GREM2: variants seen among roughly 807,000 people sequenced by gnomAD.
GREM2 encodes the protein gremlin-2.
GREM2 carries 11 observed loss-of-function variants against 14.2 expected under a neutral mutation model. The observed-to-expected ratio is 0.78, with a 90% CI of 0.49 to 1.28. The LOEUF is 1.28. Ranked by LOEUF, GREM2 falls within the 50% of genes most tolerant of loss-of-function variation. The probability of loss-of-function intolerance (pLI) is 0.00; values close to 1 mark genes in which losing one functional copy is unlikely to be tolerated. For missense variants in GREM2, 210 were observed against 218.5 expected, an observed-to-expected ratio of 0.96 and a Z score of 0.24; for synonymous variants, 98 against 97.6, an observed-to-expected ratio of 1.00 and a Z score of -0.02.
intron 1 of GREM2, chr1:240,549,908 C>T (rs567537540): frequency 6.6e-6 from 1 of 152,512 alleles, no homozygotes; most frequent in South Asian, 2.1e-4. Flanking sequence ...CCGGTTCCGG[C>T]ACCTGCTTCT....
At chr1:240,588,706 G>A (rs946725434) in intron 1 of GREM2, 2 of 152,176 alleles carry the variant, frequency 1.3e-5, no homozygotes, top group African/African-American at 4.8e-5. Flanking sequence ...ACACTAATAT[G>A]TCAAAAGTGA....
chr1:240,526,553 C>T (rs1325400602), intron 1 of GREM2, among the ~76,000 whole-genome samples: 4 of 152,092 alleles, frequency 2.6e-5, no homozygotes, highest in Non-Finnish European at 5.9e-5. Context: ...TCAGGTTACT[C>T]CTGCCTTCTT....
rs1006803633 is a variant in GREM2, at chr1:240,542,155, C to A, written c.-1-48679G>T. Among the ~76,000 whole-genome samples the A allele has an allele frequency of 6.6e-6, 1 of 152,024 alleles. No individual in the cohort carries two copies. Among genetic ancestry groups the A allele is most frequent in the Admixed American group, 6.6e-5 (1 of 15,258 alleles). ...ACATCCTGCAATGCACAAGACAGTC[C>A]TCCACGACAAAACACCATCCTGTCC... On this transcript the variant is annotated intron_variant, in intron 1 of 1. Coordinates refer to ENST00000318160, the MANE Select transcript of GREM2 (RefSeq NM_022469.4). The surrounding 1 kb of genome is among the most constrained non-coding windows in gnomAD (Gnocchi z 4.1).
intron 1 of GREM2, among the ~76,000 whole-genome samples, chr1:240,602,686 G>A (rs1158244870): frequency 6.6e-6 from 1 of 151,628 alleles, no homozygotes; most frequent in East Asian, 1.9e-4. Flanking sequence ...CATGGTGACA[G>A]AGCCTGTAAT....
intron 1 of GREM2, among the ~76,000 whole-genome samples, chr1:240,604,060 G>A (rs1679978750): frequency 6.6e-6 from 1 of 151,704 alleles, no homozygotes. Flanking sequence ...CACAGTAAGA[G>A]AGGGAGCAGG....
intron 1 of GREM2, among the ~76,000 whole-genome samples, chr1:240,581,008 G>A (rs1378884988): frequency 1.3e-5 from 2 of 152,180 alleles, no homozygotes; most frequent in African/African-American, 2.4e-5. Flanking sequence ...CCAGCACTTT[G>A]GGAGGCTGAG....
chr1:240,513,640 C>A (rs1402095698), intron 1 of GREM2, among the ~76,000 whole-genome samples: 1 of 149,956 alleles, frequency 6.7e-6, no homozygotes, highest in African/African-American at 2.5e-5. Flanking sequence ...ACTTACAGTG[C>A]GAGGGGGCCA....
chr1:240,602,990 G>A (rs59039230), intron 1 of GREM2, among the ~76,000 whole-genome samples: 3,849 of 151,704 alleles, frequency 0.025, 152 homozygotes, highest in African/African-American at 0.085. Context: ...GGAGAATGGC[G>A]TGAACCCGGG....
chr1:240,552,662 T>C (rs951206416), intron 1 of GREM2, among the ~76,000 whole-genome samples: 11 of 152,198 alleles, frequency 7.2e-5, no homozygotes, highest in African/African-American at 2.7e-4. Flanking sequence ...AGATCTGGTC[T>C]TGCAGACCTG....
At chr1:240,597,329 T>C (rs987665709) in intron 1 of GREM2, among the ~76,000 whole-genome samples, 1 of 152,178 alleles carries the variant, frequency 6.6e-6, no homozygotes, top group Non-Finnish European at 1.5e-5. Context: ...GTCCTTGTAG[T>C]TCCAGGAGCT....
intron 1 of GREM2, among the ~76,000 whole-genome samples, chr1:240,589,350 G>A (rs1220838539): frequency 2.0e-5 from 3 of 151,520 alleles, no homozygotes; most frequent in Admixed American, 6.6e-5. Context: ...GAGAAGAACC[G>A]CTTGAACCCG....
intron 1 of GREM2, among the ~76,000 whole-genome samples, chr1:240,544,633 T>A (rs895197819): frequency 5.3e-5 from 8 of 152,230 alleles, no homozygotes; most frequent in African/African-American, 1.9e-4. Context: ...GAAAAACGAT[T>A]TCATTCCTCT....
chr1:240,539,003 A>G (rs1191954147), intron 1 of GREM2, among the ~76,000 whole-genome samples: 2 of 152,188 alleles, frequency 1.3e-5, no homozygotes, highest in African/African-American at 4.8e-5. Context: ...TACATGGCAG[A>G]CATCCACCAT....
intron 1 of GREM2, among the ~76,000 whole-genome samples, chr1:240,513,486 A>C (rs1378431350): frequency 6.6e-6 from 1 of 151,680 alleles, no homozygotes; most frequent in African/African-American, 2.4e-5. Flanking sequence ...GAGGCAAGAG[A>C]ATCGCTTTAA....
chr1:240,585,527 C>T (rs112282804), intron 1 of GREM2, among the ~76,000 whole-genome samples: 3,382 of 151,852 alleles, frequency 0.022, 93 homozygotes, highest in African/African-American at 0.058. Flanking sequence ...GTCTGGAGTT[C>T]GAGACCAGCT....
intron 1 of GREM2, among the ~76,000 whole-genome samples, chr1:240,510,907 TTTAAA>T (rs562721440): frequency 2.8e-4 from 43 of 152,354 alleles, no homozygotes; most frequent in Middle Eastern, 6.8e-3. Context: ...TCCTTTTGTC[TTTAAA>T]TTAATTTTAT....
chr1:240,596,874 T>C (rs1433550324), intron 1 of GREM2, among the ~76,000 whole-genome samples: 1 of 152,182 alleles, frequency 6.6e-6, no homozygotes, highest in Non-Finnish European at 1.5e-5. Flanking sequence ...GGTTATCTCC[T>C]TGTGCATACT....
chr1:240,497,878 A>T (rs943312552), intron 1 of GREM2, among the ~76,000 whole-genome samples: 2 of 152,182 alleles, frequency 1.3e-5, no homozygotes, highest in African/African-American at 2.4e-5. Context: ...CCTCTTAAAA[A>T]GAAAGTATTT....
chr1:240,559,047 C>A (rs959282119), intron 1 of GREM2, among the ~76,000 whole-genome samples: 1 of 151,970 alleles, frequency 6.6e-6, no homozygotes, highest in Non-Finnish European at 1.5e-5. Context: ...TCCCTTTCTA[C>A]GTAATTATTG....
Sources: gnomAD v4.1 joint callset for allele counts (sites outside exome capture counted in the v4.1 genomes callset) on GRCh38, gnomAD v4.1.1 for gene constraint, Gnocchi (gnomAD v3.1) non-coding constraint, MANE v1.5 for transcripts, NCBI Gene and HGNC (gene_info 2026-07-23, HGNC 2026-07-21) for gene names.